PTPRU: variants seen among roughly 807,000 people sequenced by gnomAD.
PTPRU encodes the protein protein tyrosine phosphatase receptor type U, also known as receptor-type tyrosine-protein phosphatase U.
A neutral mutation model predicts 166.3 loss-of-function variants in PTPRU; 69 were observed. The observed-to-expected ratio is 0.41, with a 90% CI of 0.34 to 0.51. The LOEUF (loss-of-function observed/expected upper bound fraction) is 0.51, where lower values mean the gene tolerates loss of function less well. Among genes scored for constraint, PTPRU ranks in the 20% least tolerant of loss-of-function variants. The pLI is 0.09. For synonymous variants in PTPRU, 793 were observed against 814.0 expected (o/e 0.97, Z 0.44); for missense variants, 1,657 against 2,013.7 (o/e 0.82, Z 3.39).
intron 13 of PTPRU, among the ~76,000 whole-genome samples, chr1:29,284,250 A>T (rs1686238022): frequency 6.6e-6 from 1 of 152,086 alleles, no homozygotes; most frequent in Non-Finnish European, 1.5e-5. Flanking sequence ...GTTCTGGGTT[A>T]CGTATCTGTC....
chr1:29,325,064 C>A, intron 28 of PTPRU, 127 bp from the exon 29 acceptor site: 2 of 1,305,080 alleles, frequency 1.5e-6, no homozygotes, highest in Non-Finnish European at 2.1e-6. Flanking sequence ...CTCTGCCCCA[C>A]CCTTCTAGAT....
chr1:29,310,861 C>T, intron 19 of PTPRU, 81 bp downstream of exon 19: 1 of 1,493,022 alleles, frequency 6.7e-7, no homozygotes, highest in Non-Finnish European at 9.3e-7. Context: ...CTTTCTGCCT[C>T]CCCTGCTGAT....
At position 29,293,471 on chromosome 1, in the gene PTPRU, G is replaced by GT. The variant is rs201996423; in HGVS notation, c.2476+1451dup. 0.029 allele frequency among the ~76,000 whole-genome samples: 3,907 copies of GT among 135,156 alleles called. 335 individuals carry two copies. The East Asian group carries it at 0.32, about 11-fold the overall frequency. 88.7% of individuals were successfully genotyped at this position (135,156 alleles called of 152,430 possible). ...AATTTTCCTACCTTTTTCGGGGGTA[G>GT]TTTTTTGTTTTTTTTTTTTTTGAGA... On this transcript the variant is annotated intron_variant, in intron 15 of 29. Transcript: ENST00000373779.
intron 1 of PTPRU, among the ~76,000 whole-genome samples, chr1:29,242,523 G>T (rs1366983580): frequency 6.6e-6 from 1 of 152,178 alleles, no homozygotes; most frequent in Admixed American, 6.5e-5. Context: ...TCATGTATGG[G>T]TATTACATTT....
At chr1:29,318,591 C>T (rs1688004476) in intron 25 of PTPRU, among the ~76,000 whole-genome samples, 1 of 152,224 alleles carries the variant, frequency 6.6e-6, no homozygotes, top group African/African-American at 2.4e-5. Flanking sequence ...ACACAGGAGA[C>T]ACACGGGTGG....
chr1:29,283,263 A>G (rs994003171), intron 12 of PTPRU, among the ~76,000 whole-genome samples: 119 of 55,090 alleles, frequency 2.2e-3, no homozygotes, highest in African/African-American at 8.7e-3. Flanking sequence ...AGCCACCCCC[A>G]CGGCCCCGCC....
rs1684831335 is a variant in PTPRU at position 29,257,642 on chromosome 1, G to A, written c.206-863G>A. Reference sequence around the variant, plus strand: ...TTGTATTCCAGGAATTTAGACTCAGGGATGGGGGCTGGAAGGGAAGTTGGA... The same window carrying A: ...TTGTATTCCAGGAATTTAGACTCAGAGATGGGGGCTGGAAGGGAAGTTGGA... On this transcript the variant is annotated intron_variant, in intron 2 of 29. Coordinates refer to ENST00000373779, the MANE Select transcript of PTPRU (RefSeq NM_133178.4). The surrounding 1 kb of genome is among the most constrained non-coding windows in gnomAD (Gnocchi z 4.6). Among the ~76,000 whole-genome samples, 3 of 152,216 alleles carry A rather than the reference G, an allele frequency of 2.0e-5. No individual in the cohort carries two copies. In the South Asian group the frequency reaches 6.2e-4, roughly 32 times the overall value.
At chr1:29,256,433 G>T (rs1354204516) in intron 2 of PTPRU, among the ~76,000 whole-genome samples, 1 of 152,186 alleles carries the variant, frequency 6.6e-6, no homozygotes, top group Admixed American at 6.5e-5. Context: ...AGTGCCCAGG[G>T]TGTTTACTGC....
At chr1:29,244,880 C>T (rs1301172525) in intron 1 of PTPRU, among the ~76,000 whole-genome samples, 1 of 152,104 alleles carries the variant, frequency 6.6e-6, no homozygotes, top group East Asian at 1.9e-4. Flanking sequence ...TGCATGCGTG[C>T]GGTCATCCTG....
intron 7 of PTPRU, among the ~76,000 whole-genome samples, chr1:29,265,744 T>C (rs1466221080): frequency 6.6e-6 from 1 of 152,166 alleles, no homozygotes. Context: ...ATTTTCTAAT[T>C]GGATTATTCT....
chr1:29,315,173 C>G lies in PTPRU; in HGVS notation c.3228-199C>G, dbSNP rs894816368. ...TCCTTCCCTGAGGCCCATCCCATCT[C>G]TGTCCTCTAGCACATTTCACTAGAG... On this transcript the variant is annotated intron_variant, in intron 22 of 29. Coordinates refer to ENST00000373779, the MANE Select transcript of PTPRU (RefSeq NM_133178.4). This position sits in a 1 kb window ranked among gnomAD's most constrained non-coding sequence, Gnocchi z 4.5. Among the ~76,000 whole-genome samples the G allele has an allele frequency of 6.6e-6, 1 of 152,208 alleles. No homozygotes were observed. Among genetic ancestry groups the G allele is most frequent in the Non-Finnish European group, 1.5e-5 (1 of 68,038 alleles).
rs1685976506 is a variant in PTPRU, at chr1:29,279,752, A to G, written c.1765+95A>G. On this transcript the variant is annotated intron_variant, in intron 10 of 29. Transcript: ENST00000373779. The surrounding 1 kb of genome is among the most constrained non-coding windows in gnomAD (Gnocchi z 5.2). ...GGGAAATGGGGGGCATCCTGGGGGT[A>G]GTTACAGAGGGCCCCTGCTGAGATA... 2 of 1,414,564 alleles carry G rather than the reference A, an allele frequency of 1.4e-6. No individual in the cohort carries two copies. Among genetic ancestry groups the G allele is most frequent in the Admixed American group, 3.6e-5 (2 of 56,032 alleles). The allele number at this position is 1,414,564 out of a possible 1,614,324, so 87.6% of individuals were successfully genotyped here.
chr1:29,279,090 A>T lies in PTPRU; in HGVS notation c.1532A>T (p.Gln511Leu). The change falls in exon 9 of 30, where the codon CAG (glutamine) becomes CTG (leucine). Residue 511 changes from glutamine (Q) to leucine (L), a missense_variant. Gln to Leu is a moderately radical substitution (Grantham distance 113, BLOSUM62 -2). This residue lies in a region of PTPRU where 1,190 missense variants were observed against 1,477.4 expected (regional missense o/e 0.81). Transcript: ENST00000373779. This position sits in a 1 kb window ranked among gnomAD's most constrained non-coding sequence, Gnocchi z 5.2. ...DMIFLKWEEP[Q>L]EPNGLITQYE... Reference sequence around the variant, plus strand: ...ATCTTCCTCAAGTGGGAGGAGCCCCAGGAGCCCAATGGTCTCATCACCCAG... The same window carrying T: ...ATCTTCCTCAAGTGGGAGGAGCCCCTGGAGCCCAATGGTCTCATCACCCAG... 6.3e-7 allele frequency: 1 copy of T among 1,586,722 alleles called. No individual in the cohort carries two copies. The highest frequency in any genetic ancestry group is 8.6e-7 in the Non-Finnish European group (1 of 1,166,008).
intron 1 of PTPRU, among the ~76,000 whole-genome samples, chr1:29,239,289 C>T (rs1237620551): frequency 6.6e-6 from 1 of 152,236 alleles, no homozygotes; most frequent in African/African-American, 2.4e-5. Flanking sequence ...TGTGTGATGC[C>T]TTCTCAGCCT....
chr1:29,307,943 T>C (rs1230854281), intron 18 of PTPRU, among the ~76,000 whole-genome samples: 1 of 151,858 alleles, frequency 6.6e-6, no homozygotes, highest in African/African-American at 2.4e-5. Flanking sequence ...GTATTTTTAG[T>C]AGAGATGGGG....
chr1:29,282,996 G>A (rs559313746), intron 12 of PTPRU, 47 bp downstream of exon 12: 214 of 1,590,904 alleles, frequency 1.3e-4, no homozygotes, highest in Admixed American at 3.7e-4. Flanking sequence ...GGTGTGGGGG[G>A]ATGGCAGACA....
chr1:29,298,762 T>G (rs928110196), intron 15 of PTPRU, among the ~76,000 whole-genome samples: 9 of 152,170 alleles, frequency 5.9e-5, no homozygotes, highest in Non-Finnish European at 1.2e-4. Context: ...CAGAGTCAGG[T>G]GGATTCAAGC....
At position 29,325,757 on chromosome 1, in the gene PTPRU, A is replaced by G. The variant is rs1025397574; in HGVS notation, c.*96A>G. 1.5e-6 allele frequency: 2 copies of G among 1,305,500 alleles called. No individual in the cohort carries two copies. The highest frequency in any genetic ancestry group is 3.0e-5 in the African/African-American group (2 of 67,368). The allele number at this position is 1,305,500 out of a possible 1,614,324, so 80.9% of individuals were successfully genotyped here. On this transcript the variant is annotated 3_prime_UTR_variant, in exon 30 of 30. Transcript: ENST00000373779. The stretch of plus-strand genomic sequence containing the variant: ...TCAGTGCCTCCTGCTCTGCCCAAAC[A>G]CACTCCCATGGGGCAAGCACTGGAG...
At chr1:29,294,016 T>C (rs1360800364) in intron 15 of PTPRU, among the ~76,000 whole-genome samples, 2 of 152,256 alleles carry the variant, frequency 1.3e-5, no homozygotes, top group South Asian at 4.1e-4. Context: ...GATTGGTTTT[T>C]AGTTTTCTTG....
Sources: gnomAD v4.1 joint callset for allele counts (sites outside exome capture counted in the v4.1 genomes callset) on GRCh38, gnomAD v4.1.1 for gene constraint, gnomAD v4.1.1 regional missense constraint, Gnocchi (gnomAD v3.1) non-coding constraint, MANE v1.5 for transcripts, NCBI Gene and HGNC (gene_info 2026-07-23, HGNC 2026-07-21) for gene names.